PAX5: variants seen among roughly 807,000 people sequenced by gnomAD.
PAX5 encodes paired box protein Pax-5.
Under a neutral mutation model 43.7 loss-of-function variants are expected in PAX5, and 9 were observed. The ratio of observed to expected loss-of-function variants is 0.21; its 90% confidence interval spans 0.12 to 0.36. The LOEUF (loss-of-function observed/expected upper bound fraction) is 0.36, where lower values mean the gene tolerates loss of function less well. Among genes scored for constraint, PAX5 ranks in the 10% least tolerant of loss-of-function variants. The pLI is 1.00. For missense variants in PAX5, 383 were observed against 532.7 expected, an observed-to-expected ratio of 0.72 and a Z score of 2.77; for synonymous variants, 228 against 214.3, an observed-to-expected ratio of 1.06 and a Z score of -0.56.
At chr9:36,949,227 A>AT (rs35350919) in intron 6 of PAX5, among the ~76,000 whole-genome samples, 41,726 of 151,822 alleles carry the variant, frequency 0.27, 6,324 homozygotes, top group Non-Finnish European at 0.34. Context: ...CGCCTGGCTA[A>AT]TTTTTTGTAT....
chr9:37,024,897 G>C (rs2132525073), intron 1 of PAX5, among the ~76,000 whole-genome samples: 1 of 152,360 alleles, frequency 6.6e-6, no homozygotes, highest in Non-Finnish European at 1.5e-5. Context: ...ATTTCCACCA[G>C]TGAGGAGAGA....
At chr9:37,027,894 G>T (rs1456008697) in intron 1 of PAX5, among the ~76,000 whole-genome samples, 2 of 152,262 alleles carry the variant, frequency 1.3e-5, no homozygotes, top group African/African-American at 2.4e-5. Context: ...TGGGGGGCGG[G>T]GCCCAGGCGG....
rs4295756 is a variant in PAX5, at chr9:36,881,356, C to A, written c.1012+648G>T. Reference sequence around the variant, plus strand: ...TTTCAAGAAAGAATACTCGGGTATTCCTGCTATGCTAATGCCCTTAACACC... The same window carrying A: ...TTTCAAGAAAGAATACTCGGGTATTACTGCTATGCTAATGCCCTTAACACC... On this transcript the variant is annotated intron_variant, in intron 8 of 9. Transcript: ENST00000358127. Among the ~76,000 whole-genome samples the A allele has an allele frequency of 6.4e-3, 971 of 151,884 alleles. 8 individuals are homozygous for A. The highest frequency in any genetic ancestry group is 0.021 in the African/African-American group (874 of 41,442).
At chr9:36,983,276 T>G (rs1358450283) in intron 5 of PAX5, among the ~76,000 whole-genome samples, 1 of 152,198 alleles carries the variant, frequency 6.6e-6, no homozygotes. Context: ...GAAAATCAGT[T>G]CACTGATGGC....
chr9:36,932,087 C>A (rs1831178839), intron 6 of PAX5, among the ~76,000 whole-genome samples: 1 of 152,046 alleles, frequency 6.6e-6, no homozygotes, highest in South Asian at 2.1e-4. Context: ...CAAGCCTGGG[C>A]AACATAACAA....
intron 7 of PAX5, among the ~76,000 whole-genome samples, chr9:36,909,638 C>A (rs1284665704): frequency 6.6e-6 from 1 of 151,956 alleles, no homozygotes; most frequent in Non-Finnish European, 1.5e-5. Context: ...CCCACAGGGG[C>A]CAGCAGGTAA....
chr9:37,033,847 C>G (rs566336081), intron 1 of PAX5, 139 bp downstream of exon 1: 1 of 695,138 alleles, frequency 1.4e-6, no homozygotes, highest in African/African-American at 1.8e-5. Context: ...GGTGAAAAAA[C>G]ATAACAAACA....
intron 3 of PAX5, among the ~76,000 whole-genome samples, chr9:37,014,454 G>A (rs778957159): frequency 8.5e-5 from 13 of 152,174 alleles, no homozygotes; most frequent in Non-Finnish European, 1.8e-4. Context: ...TCAGAGAGAG[G>A]AAGAGCTTTG....
Position 36,836,088 on chromosome 9 carries a change from T to C in PAX5, c.*4472A>G. On this transcript the variant is annotated 3_prime_UTR_variant, in exon 10 of 10. Coordinates refer to ENST00000358127, the MANE Select transcript of PAX5 (RefSeq NM_016734.3). Reference sequence around the variant, plus strand: ...GGCTGCCAAGGCTGGGCAGTCGTTCTGGAGCGTGACTTCTGGTAAATGGAT... The same window carrying C: ...GGCTGCCAAGGCTGGGCAGTCGTTCCGGAGCGTGACTTCTGGTAAATGGAT... 4.3e-6 allele frequency: 1 copy of C among 233,560 alleles called. No individual in the cohort carries two copies. Among genetic ancestry groups the C allele is most frequent in the Non-Finnish European group, 8.5e-6 (1 of 118,256 alleles). The allele number at this position is 233,560 out of a possible 1,614,324, so 14.5% of individuals were successfully genotyped here. A position where few individuals can be genotyped will look rare whatever the true frequency, so the allele number is the denominator to read the frequency against.
intron 6 of PAX5, among the ~76,000 whole-genome samples, chr9:36,954,495 AT>A (rs2132125266): frequency 6.6e-6 from 1 of 152,286 alleles, no homozygotes; most frequent in African/African-American, 2.4e-5. Context: ...TTAAATGATC[AT>A]TTATCTGAGT....
At chr9:36,863,913 AG>A (rs1259197303) in intron 8 of PAX5, among the ~76,000 whole-genome samples, 5 of 152,254 alleles carry the variant, frequency 3.3e-5, no homozygotes, top group South Asian at 2.1e-4. Context: ...GCTCAAGACC[AG>A]CCTGGCCAAC....
chr9:36,889,949 G>GT (rs1291314688), intron 7 of PAX5, among the ~76,000 whole-genome samples: 1 of 142,408 alleles, frequency 7.0e-6, no homozygotes, highest in African/African-American at 2.6e-5. Flanking sequence ...AACGGGGGGG[G>GT]GGGGAATGTG....
At chr9:36,848,538 C>T (rs1221315604) in intron 8 of PAX5, among the ~76,000 whole-genome samples, 4 of 152,142 alleles carry the variant, frequency 2.6e-5, no homozygotes, top group East Asian at 1.9e-4. Context: ...CGCCCGGCTC[C>T]GGCATATCCA....
intron 5 of PAX5, among the ~76,000 whole-genome samples, chr9:36,982,060 T>C (rs1318889307): frequency 6.6e-6 from 1 of 151,154 alleles, no homozygotes; most frequent in Non-Finnish European, 1.5e-5. Flanking sequence ...AGGTCAGGAG[T>C]TCAAGAACAG....
intron 8 of PAX5, among the ~76,000 whole-genome samples, chr9:36,855,196 G>C (rs1446714193): frequency 6.6e-6 from 1 of 152,278 alleles, no homozygotes; most frequent in East Asian, 1.9e-4. Flanking sequence ...ACAGGCAAGA[G>C]CTGGGGGCCT....
Position 36,882,076 on chromosome 9 carries a change from C to G in PAX5, c.940G>C (p.Gly314Arg), listed in dbSNP as rs1372104492. The G allele has an allele frequency of 2.5e-6, 4 of 1,604,942 alleles. No individual in the cohort carries two copies. In the African/African-American group the frequency reaches 5.4e-5, roughly 21 times the overall value. The change falls in exon 8 of 10, where the codon GGG (glycine) becomes CGG (arginine). Residue 314 changes from glycine to arginine, a missense_variant. Physicochemically the swap from Gly to Arg is moderately radical, Grantham distance 125. Around this residue, in one of 5 missense-constraint regions of PAX5, gnomAD observed 291 missense variants for 342.5 expected, o/e 0.85. Transcript: ENST00000358127. This position sits in a 1 kb window ranked among gnomAD's most constrained non-coding sequence, Gnocchi z 4.4. ...GRDLASTTLPGYPPHVPPAGQ... is the reference protein window; with the variant it reads ...GRDLASTTLPRYPPHVPPAGQ... ...GCGGGGGGGACGTGTGGAGGGTACC[C>G]GGGGAGGGTCGTGCTCGCCAAGTCA...
intron 8 of PAX5, among the ~76,000 whole-genome samples, chr9:36,874,777 T>G (rs553477878): frequency 1.6e-4 from 24 of 152,340 alleles, no homozygotes; most frequent in Non-Finnish European, 3.5e-4. Flanking sequence ...GTATGAGCTC[T>G]GCTGGAGAGC....
chr9:36,854,605 T>G (rs1823474288), intron 8 of PAX5, among the ~76,000 whole-genome samples: 1 of 152,184 alleles, frequency 6.6e-6, no homozygotes, highest in East Asian at 1.9e-4. Context: ...CTGTCTTCAC[T>G]GCACCCACGC....
intron 7 of PAX5, among the ~76,000 whole-genome samples, chr9:36,888,513 C>T (rs1045274521): frequency 6.6e-6 from 1 of 152,122 alleles, no homozygotes; most frequent in Admixed American, 6.5e-5. Flanking sequence ...GTGAAAGAAG[C>T]CAGTCACAAA....
Sources: gnomAD v4.1 joint callset for allele counts (sites outside exome capture counted in the v4.1 genomes callset) on GRCh38, gnomAD v4.1.1 for gene constraint, gnomAD v4.1.1 regional missense constraint, Gnocchi (gnomAD v3.1) non-coding constraint, MANE v1.5 for transcripts, NCBI Gene and HGNC (gene_info 2026-07-23, HGNC 2026-07-21) for gene names.